KIAA1549L: variants seen among roughly 807,000 people sequenced by gnomAD.
The protein encoded by KIAA1549L is KIAA1549 like.
KIAA1549L carries 88 observed loss-of-function variants against 160.7 expected under a neutral mutation model. The observed-to-expected ratio is 0.55, with a 90% CI of 0.46 to 0.65. The LOEUF is 0.65. KIAA1549L is among the 30% of genes least tolerant of loss of function. The probability of loss-of-function intolerance (pLI) is 0.00; values close to 1 mark genes in which losing one functional copy is unlikely to be tolerated. For missense variants in KIAA1549L, 2,258 were observed against 2,437.5 expected, an observed-to-expected ratio of 0.93 and a Z score of 1.55; for synonymous variants, 950 against 976.7, an observed-to-expected ratio of 0.97 and a Z score of 0.51.
chr11:33,439,463 C>T (rs12290435), intron 1 of KIAA1549L, among the ~76,000 whole-genome samples: 9,332 of 151,710 alleles, frequency 0.062, 953 homozygotes, highest in African/African-American at 0.21. Flanking sequence ...AGTGCAGTGG[C>T]GTGATCTCAG....
chr11:33,420,030 T>C (rs1490968576), intron 1 of KIAA1549L, among the ~76,000 whole-genome samples: 1 of 152,080 alleles, frequency 6.6e-6, no homozygotes, highest in Non-Finnish European at 1.5e-5. Flanking sequence ...ATCTGAGCCA[T>C]CTCTTTAGAT....
At chr11:33,608,280 A>G (rs191037375) in intron 14 of KIAA1549L, among the ~76,000 whole-genome samples, 1 of 152,374 alleles carries the variant, frequency 6.6e-6, no homozygotes, top group African/African-American at 2.4e-5. Flanking sequence ...AGTGCCTGGC[A>G]CACAATAAGC....
At chr11:33,523,866 G>A (rs936248274) in intron 1 of KIAA1549L, among the ~76,000 whole-genome samples, 6 of 151,800 alleles carry the variant, frequency 4.0e-5, no homozygotes, top group Non-Finnish European at 7.4e-5. Flanking sequence ...TTTTTATGGC[G>A]GTCTTCCTCA....
rs149814120 is a variant in KIAA1549L at position 33,632,761 on chromosome 11, T to G, written c.5410-12925T>G. Among the ~76,000 whole-genome samples the G allele has an allele frequency of 1.3e-3, 201 of 152,042 alleles. 1 individual carries two copies. Among genetic ancestry groups the G allele is most frequent in the African/African-American group, 4.7e-3 (196 of 41,460 alleles). ...TAATTTTTAATTTTTATTTATTTAT[T>G]TATTTATTTTTGTAGAAATGGGGTC... On this transcript the variant is annotated intron_variant, in intron 16 of 20. Transcript: ENST00000658780.
chr11:33,430,041 T>TCCTTCCTTCCTCCCTTCCTC (rs1554976199), intron 1 of KIAA1549L, among the ~76,000 whole-genome samples: 2 of 140,388 alleles, frequency 1.4e-5, no homozygotes, highest in African/African-American at 5.6e-5. Flanking sequence ...CTTCCTTCCT[T>TCCTTCCTTCCTCCCTTCCTC]CCTTCCTCCC....
At chr11:33,467,337 G>A (rs970238452) in intron 1 of KIAA1549L, among the ~76,000 whole-genome samples, 2 of 152,278 alleles carry the variant, frequency 1.3e-5, no homozygotes, top group Non-Finnish European at 2.9e-5. Context: ...TGATTAACAA[G>A]TAGGAAACAG....
At chr11:33,411,378 A>G (rs1424235669) in intron 1 of KIAA1549L, among the ~76,000 whole-genome samples, 1 of 152,138 alleles carries the variant, frequency 6.6e-6, no homozygotes, top group African/African-American at 2.4e-5. Context: ...AGACAACTGA[A>G]GCTGATCCCT....
chr11:33,404,028 G>C (rs1850594430), intron 1 of KIAA1549L, among the ~76,000 whole-genome samples: 1 of 152,162 alleles, frequency 6.6e-6, no homozygotes, highest in Non-Finnish European at 1.5e-5. Flanking sequence ...TGCACCCATA[G>C]AAATTAGTGA....
At chr11:33,576,834 C>T (rs542442563) in intron 10 of KIAA1549L, among the ~76,000 whole-genome samples, 1 of 152,182 alleles carries the variant, frequency 6.6e-6, no homozygotes, top group African/African-American at 2.4e-5. Flanking sequence ...GGGATGGGAA[C>T]AGGGGAGATG....
intron 1 of KIAA1549L, among the ~76,000 whole-genome samples, chr11:33,394,795 G>A (rs1850340823): frequency 6.6e-6 from 1 of 152,230 alleles, no homozygotes; most frequent in Admixed American, 6.5e-5. Flanking sequence ...AGTGATTCGG[G>A]GACCCAGGGT....
intron 1 of KIAA1549L, among the ~76,000 whole-genome samples, chr11:33,533,754 A>G (rs775774302): frequency 6.6e-5 from 10 of 152,148 alleles, no homozygotes; most frequent in African/African-American, 1.7e-4. Flanking sequence ...TCTCCTTGAG[A>G]TGGGAGGGAT....
At position 33,543,387 on chromosome 11, in the gene KIAA1549L, A is replaced by T; in HGVS notation, c.1824A>T (p.Ser608=). The change falls in exon 2 of 21, where the codon TCA becomes TCT. Residue 608 remains serine (S), a synonymous_variant. Coordinates refer to ENST00000658780, the MANE Select transcript of KIAA1549L (RefSeq NM_012194.3). ...FVSDFSTGSV[S]SPIITAPRTN... is the part of the protein sequence containing the mutation. Reference sequence around the variant, plus strand: ...CTGATTTCAGCACCGGTAGTGTCTCATCTCCCATCATTACAGCACCAAGGA... The same window carrying T: ...CTGATTTCAGCACCGGTAGTGTCTCTTCTCCCATCATTACAGCACCAAGGA... 6.2e-7 allele frequency: 1 copy of T among 1,613,900 alleles called. No individual in the cohort carries two copies. The highest frequency in any genetic ancestry group is 1.7e-5 in the Admixed American group (1 of 60,022).
At chr11:33,640,837 A>G (rs1851563050) in intron 16 of KIAA1549L, among the ~76,000 whole-genome samples, 1 of 152,202 alleles carries the variant, frequency 6.6e-6, no homozygotes, top group Admixed American at 6.5e-5. Flanking sequence ...GCTTTTTGAA[A>G]AAAATGAGTT....
chr11:33,667,860 A>G lies in KIAA1549L; in HGVS notation c.6160-13A>G. The G allele has an allele frequency of 6.2e-7, 1 of 1,602,244 alleles. No individual in the cohort carries two copies. Among genetic ancestry groups the G allele is most frequent in the South Asian group, 1.1e-5 (1 of 89,256 alleles). ...TGCCAGGCCCTGTCCTTCTCTCCCC[A>G]CGCCCTCTGCAGGTGCCCCTCCCAG... On this transcript the variant is annotated splice_polypyrimidine_tract_variant and intron_variant, in intron 20 of 20. Transcript: ENST00000658780.
intron 18 of KIAA1549L, among the ~76,000 whole-genome samples, chr11:33,657,618 G>A (rs972857424): frequency 1.3e-5 from 2 of 152,028 alleles, no homozygotes; most frequent in Non-Finnish European, 2.9e-5. Flanking sequence ...ACAATATGGT[G>A]AAACCCCGTC....
chr11:33,453,497 G>A (rs1590256201), intron 1 of KIAA1549L, among the ~76,000 whole-genome samples: 4 of 152,302 alleles, frequency 2.6e-5, no homozygotes, highest in Admixed American at 2.6e-4. Context: ...AGGTGTGATT[G>A]TTGTCTCATG....
chr11:33,552,336 C>T, intron 6 of KIAA1549L, 95 bp downstream of exon 6: 1 of 1,342,016 alleles, frequency 7.5e-7, no homozygotes, highest in South Asian at 1.4e-5. Flanking sequence ...TCAGAGCTAC[C>T]ATGTATAAAT....
intron 1 of KIAA1549L, among the ~76,000 whole-genome samples, chr11:33,421,582 A>G (rs1292466785): frequency 1.3e-5 from 2 of 152,240 alleles, no homozygotes; most frequent in East Asian, 1.9e-4. Flanking sequence ...TCCTTTTAAT[A>G]CATTTACAGA....
chr11:33,478,546 C>G (rs902663501), intron 1 of KIAA1549L, among the ~76,000 whole-genome samples: 6 of 152,178 alleles, frequency 3.9e-5, no homozygotes, highest in African/African-American at 1.2e-4. Flanking sequence ...CATTTCTGTC[C>G]TTTTAAAGAG....
Sources: gnomAD v4.1 joint callset for allele counts (sites outside exome capture counted in the v4.1 genomes callset) on GRCh38, gnomAD v4.1.1 for gene constraint, MANE v1.5 for transcripts, NCBI Gene and HGNC (gene_info 2026-07-23, HGNC 2026-07-21) for gene names.